MGAM: variants seen among roughly 807,000 people sequenced by gnomAD.
MGAM encodes alpha-1,4-glucosidase.
In MGAM, 253 loss-of-function variants were observed where a neutral mutation model predicts 358.8. The observed-to-expected ratio is 0.71, with a 90% CI of 0.64 to 0.78. The LOEUF is 0.78. Ranked by LOEUF, MGAM falls within the 30% of genes least tolerant of loss-of-function variation. MGAM has a pLI of 0.00. For missense variants in MGAM, 3,080 were observed against 3,432.6 expected, an observed-to-expected ratio of 0.90 and a Z score of 2.57; for synonymous variants, 1,105 against 1,227.1, an observed-to-expected ratio of 0.90 and a Z score of 2.08.
At chr7:142,066,490 A>ATTGGAG in intron 40 of MGAM, 83 bp from the exon 41 acceptor site, 3 of 1,427,520 alleles carry the variant, frequency 2.1e-6, no homozygotes, top group Non-Finnish European at 2.9e-6. Flanking sequence ...GTGATCTTCA[A>ATTGGAG]TTGGAGTATG....
intron 7 of MGAM, 55 bp downstream of exon 7, chr7:142,022,494 G>A (rs1806557952): frequency 6.5e-7 from 1 of 1,544,104 alleles, no homozygotes; most frequent in East Asian, 2.3e-5. Flanking sequence ...ATTCTTAAAG[G>A]TCACCTCTAG....
intron 7 of MGAM, among the ~76,000 whole-genome samples, chr7:142,023,250 G>A (rs2128997311): frequency 1.3e-5 from 2 of 151,970 alleles, no homozygotes; most frequent in African/African-American, 4.8e-5. Flanking sequence ...TTTTTGTAGA[G>A]ACTGTGTTTC....
chr7:142,100,729 GT>G, intron 67 of MGAM, 72 bp from the exon 68 acceptor site: 1 of 1,309,324 alleles, frequency 7.6e-7, no homozygotes, highest in Non-Finnish European at 1.1e-6. Flanking sequence ...GCTGCTTTAT[GT>G]TTGTATGTAA....
chr7:142,071,152 T>C (rs1813313996), intron 44 of MGAM, 34 bp downstream of exon 44: 4 of 1,527,486 alleles, frequency 2.6e-6, no homozygotes, highest in Non-Finnish European at 3.6e-6. Flanking sequence ...CCTTTACATT[T>C]CAGTTAGCTC....
chr7:142,095,224 G>A (rs1331208223), intron 63 of MGAM, among the ~76,000 whole-genome samples: 1 of 152,170 alleles, frequency 6.6e-6, no homozygotes, highest in Non-Finnish European at 1.5e-5. Flanking sequence ...TGGGATTACA[G>A]GCGTGAGCCA....
chr7:142,028,998 T>C (rs1807215970), intron 10 of MGAM, among the ~76,000 whole-genome samples: 1 of 152,126 alleles, frequency 6.6e-6, no homozygotes, highest in African/African-American at 2.4e-5. Context: ...TGGTGAACTC[T>C]CGTGGCAGGC....
intron 36 of MGAM, among the ~76,000 whole-genome samples, chr7:142,064,131 C>T (rs1220553727): frequency 1.3e-5 from 2 of 152,178 alleles, no homozygotes; most frequent in Non-Finnish European, 2.9e-5. Flanking sequence ...AATCAGAGCC[C>T]GTCATGTAGT....
At chr7:141,991,994 T>G (rs1254706874), upstream of MGAM, among the ~76,000 whole-genome samples, 2 of 152,180 alleles carry the variant, frequency 1.3e-5, no homozygotes, top group Non-Finnish European at 2.9e-5. Context: ...TGTTCAATAA[T>G]TTTTCCTTTG....
chr7:142,078,691 T>G, intron 48 of MGAM, 117 bp from the exon 49 acceptor site: 1 of 1,158,728 alleles, frequency 8.6e-7, no homozygotes, highest in South Asian at 1.5e-5. Flanking sequence ...TATTGCCAAG[T>G]GATAAGTGAT....
intron 21 of MGAM, among the ~76,000 whole-genome samples, chr7:142,041,876 A>G (rs150413808): frequency 0.051 from 4,483 of 88,650 alleles, 593 homozygotes; most frequent in African/African-American, 0.18. Context: ...TATATATTAT[A>G]TATATACGTA....
intron 57 of MGAM, among the ~76,000 whole-genome samples, chr7:142,088,992 GTATGTATCTATCTATC>G (rs1404268899): frequency 0.012 from 774 of 64,376 alleles, 55 homozygotes; most frequent in Middle Eastern, 0.023. Context: ...ATGTATGTAT[GTATGTATCTATCTATC>G]TATCTATCTA....
chr7:142,041,659 G>C (rs1306202165), intron 21 of MGAM, among the ~76,000 whole-genome samples: 1 of 150,896 alleles, frequency 6.6e-6, no homozygotes, highest in East Asian at 2.0e-4. Flanking sequence ...TGTACATACA[G>C]ACCAGTCATG....
At chr7:142,034,862 C>G in intron 16 of MGAM, 21 bp downstream of exon 16, 2 of 1,595,292 alleles carry the variant, frequency 1.3e-6, no homozygotes, top group Non-Finnish European at 1.7e-6. Flanking sequence ...ACCTCAAGCT[C>G]TCTTATGAAC....
At chr7:142,005,071 A>T (rs1228193967) in intron 1 of MGAM, among the ~76,000 whole-genome samples, 3 of 152,068 alleles carry the variant, frequency 2.0e-5, no homozygotes, top group Admixed American at 2.0e-4. Context: ...TCTGTTTATT[A>T]AAAAATACAT....
chr7:142,000,003 A>T (rs1804606501), intron 1 of MGAM, among the ~76,000 whole-genome samples: 1 of 152,194 alleles, frequency 6.6e-6, no homozygotes, highest in African/African-American at 2.4e-5. Flanking sequence ...TATGGAGCAA[A>T]AGGACTATTA....
intron 35 of MGAM, 26 bp from the exon 36 acceptor site, chr7:142,063,473 G>A (rs763447786): frequency 6.2e-7 from 1 of 1,608,210 alleles, no homozygotes; most frequent in African/African-American, 1.3e-5. Flanking sequence ...TAAAAAGTGA[G>A]GTATGTCTGT....
chr7:142,045,038 A>T (rs1164907199), intron 21 of MGAM, among the ~76,000 whole-genome samples: 1 of 100,540 alleles, frequency 9.9e-6, no homozygotes, highest in Non-Finnish European at 1.9e-5. Context: ...ATACACGTGT[A>T]ATATATGATA....
In MGAM at chr7:142,021,734, T is replaced by A; in HGVS notation, c.707T>A (p.Val236Asp). 6.2e-7 allele frequency: 1 copy of A among 1,613,846 alleles called. No individual in the cohort carries two copies. Among genetic ancestry groups the A allele is most frequent in the African/African-American group, 1.3e-5 (1 of 75,034 alleles). The change falls in exon 6 of 71, where the codon GTT becomes GAT. Residue 236 changes from valine (V) to aspartate (D), a missense_variant. Around this residue, in one of 5 missense-constraint regions of MGAM, gnomAD observed 1,816 missense variants for 1,840.5 expected, o/e 0.99. Coordinates refer to ENST00000475668, the MANE Select transcript of MGAM (RefSeq NM_001365693.1). The part of the protein sequence containing the change: ...IKVTRRSNNR[V>D]LFDSSIGPLL... The stretch of plus-strand genomic sequence containing the variant: ...GTGACCAGAAGAAGCAACAATCGTG[T>A]TTTGTAAGTTTTGGAAACCTATCTA...
intron 34 of MGAM, among the ~76,000 whole-genome samples, chr7:142,061,057 G>A (rs546483872): frequency 6.6e-6 from 1 of 152,284 alleles, no homozygotes; most frequent in South Asian, 2.1e-4. Context: ...TGAATACATG[G>A]CTCCTTACAG....
Sources: gnomAD v4.1 joint callset for allele counts (sites outside exome capture counted in the v4.1 genomes callset) on GRCh38, gnomAD v4.1.1 for gene constraint, gnomAD v4.1.1 regional missense constraint, MANE v1.5 for transcripts, NCBI Gene and HGNC (gene_info 2026-07-23, HGNC 2026-07-21) for gene names.